The following DNAAF1 variants were observed in gnomAD, a reference collection of about 807,000 sequenced individuals.
The protein encoded by DNAAF1 is dynein assembly factor 1, axonemal.
Under a neutral mutation model 71.1 loss-of-function variants are expected in DNAAF1, and 65 were observed. The observed-to-expected ratio is 0.91, with a 90% CI of 0.75 to 1.12. DNAAF1 has a LOEUF of 1.12. DNAAF1 is among the 50% of genes most tolerant of loss of function. DNAAF1 has a pLI of 0.00. For synonymous variants in DNAAF1, 414 were observed against 354.6 expected, an observed-to-expected ratio of 1.17 and a Z score of -1.88; for missense variants, 1,178 against 899.8, an observed-to-expected ratio of 1.31 and a Z score of -3.96.
At chr16:84,148,888 C>G in intron 1 of DNAAF1, 119 bp from the exon 2 acceptor site, 2 of 1,179,718 alleles carry the variant, frequency 1.7e-6, no homozygotes, top group South Asian at 1.3e-5. Context: ...CCATACCCAG[C>G]CACTAAAGAA....
chr16:84,174,782 G>A (rs139889264), intron 10 of DNAAF1, 60 bp downstream of exon 10: 26 of 1,604,112 alleles, frequency 1.6e-5, no homozygotes, highest in African/African-American at 9.4e-5. Context: ...CGTTCTTGTC[G>A]TTTACCGTTT....
At chr16:84,145,645 C>A (rs1275964404) in intron 1 of DNAAF1, 81 bp downstream of exon 1, 1 of 1,473,840 alleles carries the variant, frequency 6.8e-7, no homozygotes, top group Non-Finnish European at 9.1e-7. Context: ...ACACCACATA[C>A]CCGATCTTCA....
intron 3 of DNAAF1, among the ~76,000 whole-genome samples, chr16:84,153,700 A>G (rs2087284648): frequency 6.6e-6 from 1 of 152,392 alleles, no homozygotes; most frequent in East Asian, 1.9e-4. Flanking sequence ...GGCATGAATT[A>G]CACATTGATG....
intron 6 of DNAAF1, among the ~76,000 whole-genome samples, chr16:84,160,092 T>C (rs1001509476): frequency 6.6e-6 from 1 of 152,218 alleles, no homozygotes; most frequent in African/African-American, 2.4e-5. Flanking sequence ...GGTTTCAGAC[T>C]TTGTAAAAAC....
intron 9 of DNAAF1, chr16:84,174,281 G>A: frequency 1.8e-6 from 2 of 1,085,280 alleles, no homozygotes; most frequent in South Asian, 5.5e-5. Flanking sequence ...GTTTTGGGGA[G>A]GTACAAAATA....
Position 84,176,072 on chromosome 16 carries a change from C to T in DNAAF1, c.1838C>T (p.Thr613Ile). Residue 613 changes from threonine to isoleucine, a missense_variant, in exon 11 of 12, where the codon ACC becomes ATC. By Grantham distance (89) the Thr-to-Ile change is moderately conservative. Transcript: ENST00000378553. ...AATATATTTGCAGTCTCTAAAGACACCTCAAAGGCGGCTCGGGTGCCCTTC... is the reference window on the plus strand; with the variant it reads ...AATATATTTGCAGTCTCTAAAGACATCTCAAAGGCGGCTCGGGTGCCCTTC... ...LSNIFAVSKD[T>I]SKAARVPFTD... 2 of 1,614,070 alleles carry T rather than the reference C, an allele frequency of 1.2e-6. No individual in the cohort carries two copies. Among genetic ancestry groups the T allele is most frequent in the Non-Finnish European group, 1.7e-6 (2 of 1,180,002 alleles).
intron 11 of DNAAF1, chr16:84,177,146 C>G (rs1442278587): frequency 1.1e-5 from 2 of 181,482 alleles, no homozygotes; most frequent in Non-Finnish European, 2.4e-5. Context: ...CAGGGAGTGG[C>G]CTGAGTGCAT....
At chr16:84,149,184 AGGTAGAT>A in intron 2 of DNAAF1, 42 bp downstream of exon 2, 1 of 1,611,794 alleles carries the variant, frequency 6.2e-7, no homozygotes, top group South Asian at 1.1e-5. Flanking sequence ...TTATGGAGTA[AGGTAGAT>A]GGCGTAATCA....
chr16:84,172,761 A>T, intron 9 of DNAAF1: 1 of 1,142,428 alleles, frequency 8.8e-7, no homozygotes, highest in Non-Finnish European at 1.1e-6. Flanking sequence ...CATCAGTTAC[A>T]TTGTATCTTT....
rs1466494647 is a variant in DNAAF1, at chr16:84,154,634, A to T, written c.410A>T (p.Gln137Leu). The T allele has an allele frequency of 1.2e-6, 2 of 1,614,092 alleles. No individual in the cohort carries two copies. Among genetic ancestry groups the T allele is most frequent in the Non-Finnish European group, 1.7e-6 (2 of 1,180,048 alleles). The change falls in exon 4 of 12, where the codon CAG becomes CTG. Residue 137 changes from glutamine (Q) to leucine (L), a missense_variant. Transcript: ENST00000378553. ...EYTGLRCLWL[Q>L]SNGIQKIENL... ...ACAGGGCTGCGCTGTCTCTGGCTGC[A>T]GAGCAATGGAATACAGAAAATCGAA...
At chr16:84,145,911 C>A (rs1435854706) in intron 1 of DNAAF1, among the ~76,000 whole-genome samples, 4 of 152,180 alleles carry the variant, frequency 2.6e-5, no homozygotes, top group African/African-American at 9.6e-5. Flanking sequence ...GCCTGGCCAA[C>A]ATAGTGAAAC....
chr16:84,159,321 A>C, intron 5 of DNAAF1: 1 of 936,968 alleles, frequency 1.1e-6, no homozygotes, highest in Non-Finnish European at 1.4e-6. Flanking sequence ...AAAACAATCA[A>C]TTAGGCAGAG....
intron 9 of DNAAF1, 60 bp from the exon 10 acceptor site, chr16:84,174,609 A>G (rs1461954737): frequency 6.2e-7 from 1 of 1,613,696 alleles, no homozygotes; most frequent in African/African-American, 1.3e-5. Context: ...TATCGTGCCT[A>G]TCAGAACGTT....
chr16:84,149,582 T>A (rs1032536947), intron 2 of DNAAF1, among the ~76,000 whole-genome samples: 2 of 150,036 alleles, frequency 1.3e-5, no homozygotes, highest in Admixed American at 6.6e-5. Flanking sequence ...TCCCAGCTAC[T>A]TGGGAGGCTG....
At chr16:84,174,497 T>G in intron 9 of DNAAF1, 172 bp from the exon 10 acceptor site, 1 of 1,506,590 alleles carries the variant, frequency 6.6e-7, no homozygotes, top group East Asian at 2.5e-5. Flanking sequence ...AACGCTTGCT[T>G]TGTGTGTATC....
Position 84,150,252 on chromosome 16 carries a change from A to G in DNAAF1, c.262A>G (p.Met88Val). The G allele has an allele frequency of 1.2e-6, 2 of 1,610,988 alleles. No homozygotes were observed. Among genetic ancestry groups the G allele is most frequent in the Middle Eastern group, 1.7e-4 (1 of 6,058 alleles). Residue 88 changes from methionine to valine, a missense_variant and splice_region_variant, in exon 3 of 12, where the codon ATG becomes GTG. By Grantham distance (21) the Met-to-Val change is conservative. Transcript: ENST00000378553. The stretch of plus-strand genomic sequence containing the variant: ...ATTCATATTTTTCCATTTTAACAGA[A>G]TGACTAAAAGTTCCCTGCAAAAACT... Reference protein sequence around the residue: ...REDREDRGPRMTKSSLQKLCK... With the variant: ...REDREDRGPRVTKSSLQKLCK...
At chr16:84,156,541 G>C (rs998623672) in intron 5 of DNAAF1, among the ~76,000 whole-genome samples, 1 of 152,206 alleles carries the variant, frequency 6.6e-6, no homozygotes, top group African/African-American at 2.4e-5. Flanking sequence ...AGTGGGTTCA[G>C]ATATTGTCAG....
chr16:84,171,136 G>C (rs1031443611), intron 8 of DNAAF1, among the ~76,000 whole-genome samples: 5 of 151,942 alleles, frequency 3.3e-5, no homozygotes, highest in African/African-American at 1.2e-4. Flanking sequence ...GATACAGCCC[G>C]GGGGAAAAGT....
intron 3 of DNAAF1, among the ~76,000 whole-genome samples, chr16:84,151,219 T>A (rs934787942): frequency 4.6e-5 from 7 of 152,024 alleles, no homozygotes; most frequent in Admixed American, 4.6e-4. Context: ...TTGCTGAGAG[T>A]CTACTGTGTG....
Sources: gnomAD v4.1 joint callset for allele counts (sites outside exome capture counted in the v4.1 genomes callset) on GRCh38, gnomAD v4.1.1 for gene constraint, MANE v1.5 for transcripts, NCBI Gene and HGNC (gene_info 2026-07-23, HGNC 2026-07-21) for gene names.